The following LSS variants were observed in gnomAD, a reference collection of about 807,000 sequenced individuals.
LSS encodes the protein 2,3-epoxysqualene-lanosterol cyclase.
Under a neutral mutation model 110.3 loss-of-function variants are expected in LSS, and 90 were observed. The observed-to-expected ratio is 0.82, with a 90% CI of 0.69 to 0.97. The LOEUF is 0.97. LSS is among the 50% of genes least tolerant of loss of function. The pLI is 0.00. For synonymous variants in LSS, 433 were observed against 400.0 expected (o/e 1.08, Z -0.98); for missense variants, 927 against 990.0 (o/e 0.94, Z 0.85).
At chr21:46,194,436 G>A (rs1392024570) in intron 20 of LSS, 55 bp downstream of exon 20, 3 of 1,599,662 alleles carry the variant, frequency 1.9e-6, no homozygotes, top group African/African-American at 1.3e-5. Flanking sequence ...GCTCACAGCT[G>A]AGTGTCCCTC....
intron 16 of LSS, among the ~76,000 whole-genome samples, chr21:46,206,245 C>T (rs2080047137): frequency 6.6e-6 from 1 of 152,200 alleles, no homozygotes; most frequent in African/African-American, 2.4e-5. Context: ...CTGAGATCCT[C>T]CCCCAAGACC....
At chr21:46,193,046 G>T (rs2079848444) in intron 20 of LSS, 1 of 449,634 alleles carries the variant, frequency 2.2e-6, no homozygotes. Context: ...ATGTGCATCT[G>T]TCTCCATGTA....
rs191533431 is a variant in LSS, at chr21:46,209,596, C to T, written c.1224G>A (p.Ser408=). ...EAGGHHRPEF[S]SCLQKAHEFL... Reference sequence around the variant, plus strand: ...ACTCATGAGCCTTCTGCAGGCAGGACGAAAACTCGGGCCTGTGGTGCCCGC... The same window carrying T: ...ACTCATGAGCCTTCTGCAGGCAGGATGAAAACTCGGGCCTGTGGTGCCCGC... Residue 408 remains serine, a synonymous_variant, in exon 13 of 22, where the codon TCG becomes TCA. Coordinates refer to ENST00000397728, the MANE Select transcript of LSS (RefSeq NM_002340.6). The surrounding 1 kb of genome is among the most constrained non-coding windows in gnomAD (Gnocchi z 4.4). 5.7e-5 allele frequency: 91 copies of T among 1,601,674 alleles called. No individual in the cohort carries two copies. The highest frequency in any genetic ancestry group is 1.7e-4 in the Middle Eastern group (1 of 6,002).
chr21:46,194,903 G>T (rs2079887771), intron 19 of LSS, among the ~76,000 whole-genome samples: 1 of 152,274 alleles, frequency 6.6e-6, no homozygotes, highest in Admixed American at 6.5e-5. Context: ...ACCGAGGATG[G>T]CCTCACGGAC....
chr21:46,205,943 T>C lies in LSS; in HGVS notation c.1565-2A>G, dbSNP rs867667764. ...AGGTGTAGTCAATCATGATGTCCCC[T>C]GGGAAAGGGAGGGAAGAACCAAGTG... is the stretch of plus-strand genomic sequence containing the variant. On this transcript the variant is annotated splice_acceptor_variant, in intron 16 of 21. Coordinates refer to ENST00000397728, the MANE Select transcript of LSS (RefSeq NM_002340.6). LOFTEE classifies it high-confidence loss of function. 1 of 1,599,878 alleles carries C rather than the reference T, an allele frequency of 6.3e-7. No individual in the cohort carries two copies. The highest frequency in any genetic ancestry group is 8.5e-7 in the Non-Finnish European group (1 of 1,171,498).
chr21:46,198,847 A>AT (rs1569020464), intron 17 of LSS, among the ~76,000 whole-genome samples: 2 of 151,856 alleles, frequency 1.3e-5, no homozygotes, highest in Non-Finnish European at 2.9e-5. Flanking sequence ...AAAAAAAAAA[A>AT]AAAAATCTAG....
In LSS at chr21:46,216,486, A is replaced by G. The variant is rs369733014; in HGVS notation, c.686T>C (p.Leu229Pro). 2 of 1,613,008 alleles carry G rather than the reference A, an allele frequency of 1.2e-6. No homozygotes were observed. The highest frequency in any genetic ancestry group is 1.1e-5 in the South Asian group (1 of 91,028). The stretch of plus-strand genomic sequence containing the variant: ...GTACACCTGCCGGCAGTGGCACCAG[A>G]GTGTGGAGGGGTGTGCCGGTGCCCA... ...PDWAPAHPST[L>P]WCHCRQVYLP... Residue 229 changes from leucine (L) to proline (P), a missense_variant, in exon 7 of 22, where the codon CTC becomes CCC. Transcript: ENST00000397728. The surrounding 1 kb of genome is among the most constrained non-coding windows in gnomAD (Gnocchi z 4.2).
rs780032601 is a variant in LSS, at chr21:46,211,859, A to G, written c.1138-1115T>C. Among the ~76,000 whole-genome samples the G allele has an allele frequency of 7.9e-5, 12 of 152,360 alleles. 1 individual carries two copies. The highest frequency in any genetic ancestry group is 2.9e-4 in the African/African-American group (12 of 41,580). On this transcript the variant is annotated intron_variant, in intron 11 of 21. Coordinates refer to ENST00000397728, the MANE Select transcript of LSS (RefSeq NM_002340.6). ...AGACGGCTGGACTAACAGGAGCTCA[A>G]AGACCAACAACTGAAGGCCTGTGCA...
chr21:46,228,674 C>G, intron 1 of LSS, 58 bp downstream of exon 1: 1 of 1,600,664 alleles, frequency 6.2e-7, no homozygotes, highest in Non-Finnish European at 8.5e-7. Flanking sequence ...CAGTCGCGCT[C>G]TCCTCAGCAC....
Position 46,215,779 on chromosome 21 carries a change from C to A in LSS, c.798G>T (p.Glu266Asp). The A allele has an allele frequency of 6.2e-7, 1 of 1,611,266 alleles. No homozygotes were observed. The highest frequency in any genetic ancestry group is 8.5e-7 in the Non-Finnish European group (1 of 1,178,294). ...CCAGCCAGTCAATGCTGGCGAAGTC[C>A]TCCACATAGAGCTCCTGGTGGGGGC... ...VQSLRQELYV[E>D]DFASIDWLAQ... Residue 266 changes from glutamate (E) to aspartate (D), a missense_variant, in exon 8 of 22, where the codon GAG (glutamate) becomes GAT (aspartate). Coordinates refer to ENST00000397728, the MANE Select transcript of LSS (RefSeq NM_002340.6).
intron 11 of LSS, among the ~76,000 whole-genome samples, chr21:46,210,963 G>A (rs557957729): frequency 6.6e-6 from 1 of 152,198 alleles, no homozygotes; most frequent in Non-Finnish European, 1.5e-5. Flanking sequence ...GACTCAGGGA[G>A]CCCTCCCTTT....
intron 11 of LSS, among the ~76,000 whole-genome samples, chr21:46,212,570 C>T (rs1471770870): frequency 4.6e-5 from 7 of 152,236 alleles, no homozygotes; most frequent in Admixed American, 3.9e-4. Flanking sequence ...CCAGCCCACT[C>T]AGGCCAAGTC....
In LSS at chr21:46,189,876, A is replaced by G. The variant is rs1189433158; in HGVS notation, c.*1228T>C. Reference sequence around the variant, plus strand: ...AGTCTCAGGTGGCCCTGAGCATGTGAGCTGCTCATCCACATCAGGCAAAGG... The same window carrying G: ...AGTCTCAGGTGGCCCTGAGCATGTGGGCTGCTCATCCACATCAGGCAAAGG... On this transcript the variant is annotated 3_prime_UTR_variant, in exon 22 of 22. Transcript: ENST00000397728. The G allele has an allele frequency of 3.3e-5, 12 of 368,052 alleles. No individual in the cohort carries two copies. The East Asian group carries it at 8.2e-4, about 25-fold the overall frequency. The allele number at this position is 368,052 out of a possible 1,614,324, so 22.8% of individuals were successfully genotyped here. A position where few individuals can be genotyped will look rare whatever the true frequency, so the allele number is the denominator to read the frequency against.
At chr21:46,196,716 C>T (rs1028772051) in intron 17 of LSS, among the ~76,000 whole-genome samples, 1 of 152,382 alleles carries the variant, frequency 6.6e-6, no homozygotes, top group South Asian at 2.1e-4. Context: ...GAAGTGTCTA[C>T]TCCAGTGTCA....
intron 20 of LSS, chr21:46,192,223 C>A (rs1173176077): frequency 8.9e-6 from 5 of 563,334 alleles, no homozygotes; most frequent in Non-Finnish European, 1.6e-5. Flanking sequence ...GGTGTTCCCC[C>A]CTGAAGAGGA....
At chr21:46,220,959 G>C (rs1224779855) in intron 5 of LSS, among the ~76,000 whole-genome samples, 6 of 147,276 alleles carry the variant, frequency 4.1e-5, no homozygotes, top group South Asian at 4.4e-4. Context: ...GTAGACAGTT[G>C]GGGCTTGGAG....
chr21:46,222,111 G>A, intron 4 of LSS, 136 bp from the exon 5 acceptor site: 2 of 887,652 alleles, frequency 2.3e-6, no homozygotes, highest in Non-Finnish European at 3.4e-6. Flanking sequence ...GCCAACACAG[G>A]AGACCCCTGA....
chr21:46,215,056 C>G, intron 9 of LSS, 124 bp downstream of exon 9: 1 of 782,084 alleles, frequency 1.3e-6, no homozygotes, highest in South Asian at 1.5e-5. Flanking sequence ...AGGGCCACCT[C>G]CCAAATGGAG....
At chr21:46,208,327 G>A in intron 13 of LSS, 26 bp from the exon 14 acceptor site, 4 of 1,548,760 alleles carry the variant, frequency 2.6e-6, no homozygotes, top group Non-Finnish European at 3.5e-6. Flanking sequence ...GGCAAATGTG[G>A]AAGCAGAGAA....
Sources: allele counts gnomAD v4.1 joint callset (sites outside exome capture counted in the v4.1 genomes callset), GRCh38; gene constraint gnomAD v4.1.1; non-coding constraint Gnocchi (gnomAD v3.1); transcripts MANE v1.5; gene names NCBI Gene and HGNC (gene_info 2026-07-23, HGNC 2026-07-21).